The following EIF5B variants were observed in gnomAD, a reference collection of about 807,000 sequenced individuals.
EIF5B encodes the protein eIF-5B.
A neutral mutation model predicts 147.5 loss-of-function variants in EIF5B; 47 were observed. The observed-to-expected ratio is 0.32, with a 90% CI of 0.25 to 0.41. The LOEUF (loss-of-function observed/expected upper bound fraction) is 0.41, where lower values mean the gene tolerates loss of function less well. Among genes scored for constraint, EIF5B ranks in the 10% least tolerant of loss-of-function variants. The probability of loss-of-function intolerance (pLI) is 1.00; values close to 1 mark genes in which losing one functional copy is unlikely to be tolerated. For missense variants in EIF5B, 1,064 were observed against 1,413.2 expected, an observed-to-expected ratio of 0.75 and a Z score of 3.96; for synonymous variants, 455 against 456.2, an observed-to-expected ratio of 1.00 and a Z score of 0.03.
chr2:99,360,239 C>G lies in EIF5B; in HGVS notation c.39C>G (p.Thr13=), dbSNP rs1203126101. The G allele has an allele frequency of 1.3e-6, 2 of 1,587,268 alleles. No homozygotes were observed. Among genetic ancestry groups the G allele is most frequent in the Non-Finnish European group, 8.5e-7 (1 of 1,171,714 alleles). Residue 13 remains threonine, a synonymous_variant, in exon 2 of 24, where the codon ACC becomes ACG. Coordinates refer to ENST00000289371, the MANE Select transcript of EIF5B (RefSeq NM_015904.4). The stretch of plus-strand genomic sequence containing the variant: ...GATGTTTTTGTTTTCATTTAAGCAC[C>G]AAGGATGACATTGATCTTGATGCCT... The part of the protein sequence containing the change: ...KKQKNKSEDS[T]KDDIDLDALA...
Position 99,363,664 on chromosome 2 carries a change from AAAG to A in EIF5B, c.945_947del (p.Lys316del). On this transcript the variant is annotated inframe_deletion, in exon 5 of 24. Coordinates refer to ENST00000289371, the MANE Select transcript of EIF5B (RefSeq NM_015904.4). ...TGGTAGATGACAATGAAGGAGACAAAAAGAAGAAAGATAAGAAGAAAAAGAAAG... is the reference window on the plus strand; with the variant it reads ...TGGTAGATGACAATGAAGGAGACAAAAAGAAAGATAAGAAGAAAAAGAAAG... The A allele has an allele frequency of 6.3e-7, 1 of 1,582,964 alleles. No homozygotes were observed. Among genetic ancestry groups the A allele is most frequent in the Admixed American group, 2.0e-5 (1 of 50,180 alleles).
intron 10 of EIF5B, among the ~76,000 whole-genome samples, chr2:99,378,332 C>G (rs1674604529): frequency 6.6e-6 from 1 of 152,120 alleles, no homozygotes; most frequent in Non-Finnish European, 1.5e-5. Context: ...TCAAAGAAAA[C>G]CTATTGCTGG....
At chr2:99,371,535 T>G in intron 8 of EIF5B, 121 bp from the exon 9 acceptor site, 5 of 711,412 alleles carry the variant, frequency 7.0e-6, no homozygotes, top group Non-Finnish European at 1.1e-5. Flanking sequence ...GCTGCATACA[T>G]ATTTTTTACA....
intron 21 of EIF5B, 111 bp from the exon 22 acceptor site, chr2:99,396,649 T>A: frequency 7.3e-7 from 1 of 1,368,140 alleles, no homozygotes; most frequent in South Asian, 1.4e-5. Context: ...CTGTGGCCGC[T>A]GGGGAAAGCT....
At chr2:99,362,916 GC>G (rs1674250100) in intron 4 of EIF5B, among the ~76,000 whole-genome samples, 1 of 151,628 alleles carries the variant, frequency 6.6e-6, no homozygotes, top group African/African-American at 2.4e-5. Flanking sequence ...CCGCCACCAT[GC>G]CCGGCTAATT....
chr2:99,339,691 T>C (rs1025819359), intron 1 of EIF5B, among the ~76,000 whole-genome samples: 3 of 152,160 alleles, frequency 2.0e-5, no homozygotes, highest in African/African-American at 7.2e-5. Flanking sequence ...ACTTACACTT[T>C]TTACTTTCCA....
chr2:99,400,693 T>C lies in EIF5B; in HGVS notation c.*1279T>C, dbSNP rs1402727195. 6.6e-6 allele frequency: 1 copy of C among 152,204 alleles called. No homozygotes were observed. The highest frequency in any genetic ancestry group is 1.5e-5 in the Non-Finnish European group (1 of 68,044). 9.4% of individuals were successfully genotyped at this position (152,204 alleles called of 1,614,324 possible). A position where few individuals can be genotyped will look rare whatever the true frequency, so the allele number is the denominator to read the frequency against. On this transcript the variant is annotated 3_prime_UTR_variant, in exon 24 of 24. Transcript: ENST00000289371. The stretch of plus-strand genomic sequence containing the variant: ...GTGAGGGTGTTTCTAATTCAAAATA[T>C]GTAGATTTCTCCGCATGGAAGAAGT...
intron 1 of EIF5B, among the ~76,000 whole-genome samples, chr2:99,358,165 C>G (rs1311964098): frequency 2.6e-5 from 4 of 152,072 alleles, no homozygotes; most frequent in Non-Finnish European, 5.9e-5. Context: ...TCAGGTGATT[C>G]AGGTAATCTT....
intron 1 of EIF5B, among the ~76,000 whole-genome samples, chr2:99,358,738 G>A (rs1674144298): frequency 6.6e-6 from 1 of 152,054 alleles, no homozygotes; most frequent in Admixed American, 6.6e-5. Flanking sequence ...ACTGTGTCTG[G>A]TATGTGTACC....
At chr2:99,349,682 A>C (rs1673871365) in intron 1 of EIF5B, among the ~76,000 whole-genome samples, 1 of 152,204 alleles carries the variant, frequency 6.6e-6, no homozygotes, top group Non-Finnish European at 1.5e-5. Flanking sequence ...TGTTCTTGAC[A>C]CATAATAATT....
rs1243124984 is a variant in EIF5B at position 99,361,397 on chromosome 2, G to A, written c.496G>A (p.Glu166Lys). The A allele has an allele frequency of 2.5e-6, 4 of 1,613,882 alleles. No homozygotes were observed. Among genetic ancestry groups the A allele is most frequent in the South Asian group, 2.2e-5 (2 of 91,062 alleles). ...AAATAAGAAGTGGGATGGGTCAGAG[G>A]AGGATGAGGATAACAGTAAAAAAAT... Reference protein sequence around the residue: ...KSNKKWDGSEEDEDNSKKIKE... With the variant: ...KSNKKWDGSEKDEDNSKKIKE... The change falls in exon 4 of 24, where the codon GAG (glutamate) becomes AAG (lysine). Residue 166 changes from glutamate to lysine, a missense_variant. Around this residue, in one of 4 missense-constraint regions of EIF5B, gnomAD observed 458 missense variants for 451.3 expected, o/e 1.01. Coordinates refer to ENST00000289371, the MANE Select transcript of EIF5B (RefSeq NM_015904.4).
At chr2:99,349,626 A>G (rs2105337917) in intron 1 of EIF5B, among the ~76,000 whole-genome samples, 2 of 152,368 alleles carry the variant, frequency 1.3e-5, no homozygotes, top group Admixed American at 1.3e-4. Context: ...CACACACAAT[A>G]AAGAAATACT....
chr2:99,378,157 G>T (rs1674602205), intron 10 of EIF5B, among the ~76,000 whole-genome samples: 1 of 152,092 alleles, frequency 6.6e-6, no homozygotes, highest in South Asian at 2.1e-4. Context: ...TTCAGTTTCA[G>T]TTTCTACCAA....
chr2:99,401,282 C>A lies in EIF5B; in HGVS notation c.*1868C>A. The A allele has an allele frequency of 6.2e-7, 1 of 1,613,564 alleles. No homozygotes were observed. The highest frequency in any genetic ancestry group is 1.1e-5 in the South Asian group (1 of 91,038). The stretch of plus-strand genomic sequence containing the variant: ...GTGCTTCCATAAGTTTGTTGTAAAA[C>A]CACCTGGACATTGTCAAGAATAAAG... On this transcript the variant is annotated 3_prime_UTR_variant, in exon 24 of 24. Transcript: ENST00000289371.
chr2:99,337,404 T>C lies in EIF5B; in HGVS notation c.-151T>C, dbSNP rs1279019965. On this transcript the variant is annotated 5_prime_UTR_variant, in exon 1 of 24. Coordinates refer to ENST00000289371, the MANE Select transcript of EIF5B (RefSeq NM_015904.4). The stretch of plus-strand genomic sequence containing the variant: ...CTGAGAACTCACACCATATGTGTCC[T>C]GTTCCAGTGCGCGGGTCTGTGGAGA... 1 of 941,522 alleles carries C rather than the reference T, an allele frequency of 1.1e-6. No individual in the cohort carries two copies. Among genetic ancestry groups the C allele is most frequent in the African/African-American group, 1.6e-5 (1 of 60,976 alleles). 58.3% of individuals were successfully genotyped at this position (941,522 alleles called of 1,614,324 possible).
chr2:99,338,975 TA>T (rs1161747707), intron 1 of EIF5B, among the ~76,000 whole-genome samples: 3 of 144,210 alleles, frequency 2.1e-5, no homozygotes, highest in Non-Finnish European at 4.6e-5. Flanking sequence ...AATATATATA[TA>T]TACAAATATA....
chr2:99,342,872 G>A (rs570147564), intron 1 of EIF5B, among the ~76,000 whole-genome samples: 1 of 152,198 alleles, frequency 6.6e-6, no homozygotes, highest in East Asian at 1.9e-4. Context: ...GGCCTCAAGT[G>A]ATCCTCCCAT....
intron 1 of EIF5B, among the ~76,000 whole-genome samples, chr2:99,349,145 A>G (rs1047151354): frequency 6.6e-6 from 1 of 152,252 alleles, no homozygotes; most frequent in African/African-American, 2.4e-5. Context: ...TCTATTTAGC[A>G]AGCAGTCATA....
intron 10 of EIF5B, among the ~76,000 whole-genome samples, chr2:99,377,200 A>G (rs1343096077): frequency 1.3e-5 from 2 of 152,236 alleles, no homozygotes; most frequent in East Asian, 3.9e-4. Flanking sequence ...ATATTAAACT[A>G]TTTTAAAGCT....
Sources: gnomAD v4.1 joint callset for allele counts (sites outside exome capture counted in the v4.1 genomes callset) on GRCh38, gnomAD v4.1.1 for gene constraint, gnomAD v4.1.1 regional missense constraint, MANE v1.5 for transcripts, NCBI Gene and HGNC (gene_info 2026-07-23, HGNC 2026-07-21) for gene names.